SOX6: variants seen among roughly 807,000 people sequenced by gnomAD.
SOX6 encodes the protein transcription factor SOX-6.
Under a neutral mutation model 97.8 loss-of-function variants are expected in SOX6, and 11 were observed. The ratio of observed to expected loss-of-function variants is 0.11; its 90% CI spans 0.07 to 0.19. SOX6 has a LOEUF of 0.19. Among genes scored for constraint, SOX6 ranks in the 10% least tolerant of loss-of-function variants. The pLI, the probability that SOX6 is intolerant of heterozygous loss-of-function variation, is 1.00. For missense variants in SOX6, 810 were observed against 1,039.5 expected (o/e 0.78, Z 3.04); for synonymous variants, 360 against 371.4 (o/e 0.97, Z 0.35).
rs145239922 is a variant in SOX6, at chr11:16,115,527, A to C, written c.778-3604T>G. Among the ~76,000 whole-genome samples the C allele has an allele frequency of 2.7e-3, 418 of 152,298 alleles. 1 individual carries two copies. The highest frequency in any genetic ancestry group is 9.4e-3 in the African/African-American group (391 of 41,564). ...GGTCTGACAGTGTACATTTCTAAAAAGTTCCCAGGTGAAGCTGGGGCTGCT... is the reference window on the plus strand; with the variant it reads ...GGTCTGACAGTGTACATTTCTAAAACGTTCCCAGGTGAAGCTGGGGCTGCT... On this transcript the variant is annotated intron_variant, in intron 6 of 15. Transcript: ENST00000683767.
intron 1 of SOX6, chr11:16,402,953 T>G (rs1256594519): frequency 1.1e-6 from 1 of 941,584 alleles, no homozygotes; most frequent in African/African-American, 1.7e-5. Flanking sequence ...TACACCAAGG[T>G]GGGGGAGAAA....
intron 1 of SOX6, among the ~76,000 whole-genome samples, chr11:16,442,222 G>T (rs1159920389): frequency 6.6e-6 from 1 of 152,162 alleles, no homozygotes; most frequent in East Asian, 1.9e-4. Context: ...AGCACATCAT[G>T]CTCTCTATAA....
chr11:16,626,376 A>T (rs2133992474), intron 3 of SOX6, among the ~76,000 whole-genome samples: 1 of 152,266 alleles, frequency 6.6e-6, no homozygotes, highest in South Asian at 2.1e-4. Flanking sequence ...ATAAATGTGG[A>T]TCTATTTCTG....
At chr11:16,514,891 G>A (rs900962717) in intron 4 of SOX6, among the ~76,000 whole-genome samples, 1 of 151,388 alleles carries the variant, frequency 6.6e-6, no homozygotes, top group East Asian at 1.9e-4. Flanking sequence ...ATTTTTTATG[G>A]CTGCATAGTA....
At chr11:16,117,263 G>T (rs1849372486) in intron 6 of SOX6, among the ~76,000 whole-genome samples, 1 of 150,958 alleles carries the variant, frequency 6.6e-6, no homozygotes, top group Admixed American at 6.6e-5. Flanking sequence ...TGAGGCAGGA[G>T]AATCACTTGA....
intron 3 of SOX6, among the ~76,000 whole-genome samples, chr11:16,633,409 A>G (rs2133997427): frequency 6.6e-6 from 1 of 152,338 alleles, no homozygotes; most frequent in South Asian, 2.1e-4. Context: ...CACTTCCAGT[A>G]TGGGGAAGTA....
intron 3 of SOX6, among the ~76,000 whole-genome samples, chr11:16,706,212 G>A (rs973293903): frequency 5.3e-5 from 8 of 151,294 alleles, no homozygotes; most frequent in Admixed American, 5.3e-4. Flanking sequence ...GGCCGAGGCT[G>A]GAGGATCACT....
chr11:16,418,494 A>C (rs1221827001), intron 1 of SOX6, among the ~76,000 whole-genome samples: 1 of 152,204 alleles, frequency 6.6e-6, no homozygotes, highest in Non-Finnish European at 1.5e-5. Context: ...GGCAGAATAT[A>C]ACAATTAGCC....
At position 16,685,140 on chromosome 11, in the gene SOX6, A is replaced by G. The variant is rs541926757; in HGVS notation, n.429+29690T>C. Among the ~76,000 whole-genome samples the G allele has an allele frequency of 1.2e-3, 178 of 152,304 alleles. 1 individual carries two copies. The highest frequency in any genetic ancestry group is 2.2e-3 in the Non-Finnish European group (153 of 68,026). On this transcript the variant is annotated intron_variant and non_coding_transcript_variant, in intron 3 of 5. Transcript: ENST00000524520. ...ATTCAAAATGGGATTTGGTGGTGACATATATTCAAACTATATCATTCCATT... is the reference window on the plus strand; with the variant it reads ...ATTCAAAATGGGATTTGGTGGTGACGTATATTCAAACTATATCATTCCATT...
At chr11:16,242,940 TC>T (rs746288511) in intron 3 of SOX6, among the ~76,000 whole-genome samples, 5 of 151,892 alleles carry the variant, frequency 3.3e-5, no homozygotes, top group Non-Finnish European at 7.4e-5. Context: ...CTTCTTTTTG[TC>T]CAAATGAGTA....
chr11:16,139,385 G>A (rs1441382852), intron 6 of SOX6, among the ~76,000 whole-genome samples: 1 of 151,904 alleles, frequency 6.6e-6, no homozygotes, highest in Non-Finnish European at 1.5e-5. Context: ...TTTATTAGTT[G>A]GCACATTAAG....
chr11:16,339,882 T>C (rs1289889134), intron 2 of SOX6, among the ~76,000 whole-genome samples: 1 of 152,118 alleles, frequency 6.6e-6, no homozygotes, highest in Non-Finnish European at 1.5e-5. Context: ...AAAAACAGAC[T>C]TGCTTTATTA....
At position 16,132,505 on chromosome 11, in the gene SOX6, A is replaced by AAAGAAAGCAAGCAAGCAAGCAAGCAAGC. The variant is rs1451899878; in HGVS notation, c.778-20583_778-20582insGCTTGCTTGCTTGCTTGCTTGCTTTCTT. 5.8e-5 allele frequency among the ~76,000 whole-genome samples: 5 copies of AAAGAAAGCAAGCAAGCAAGCAAGCAAGC among 86,214 alleles called. 1 individual carries two copies. Among genetic ancestry groups the AAAGAAAGCAAGCAAGCAAGCAAGCAAGC allele is most frequent in the East Asian group, 6.8e-4 (2 of 2,922 alleles). 56.6% of individuals were successfully genotyped at this position (86,214 alleles called of 152,430 possible). ...GAAAGAAAGAAAGAAAGAAAGAAAG[A>AAAGAAAGCAAGCAAGCAAGCAAGCAAGC]AAGCTTATCTTTGTATCTAGGAAGA... On this transcript the variant is annotated intron_variant, in intron 6 of 15. Transcript: ENST00000683767.
intron 4 of SOX6, among the ~76,000 whole-genome samples, chr11:16,504,772 C>T (rs770136377): frequency 6.6e-6 from 1 of 152,094 alleles, no homozygotes; most frequent in Non-Finnish European, 1.5e-5. Flanking sequence ...TGTCCCCATG[C>T]TGTTCTTGTA....
At chr11:16,484,313 C>A in intron 4 of SOX6, 3 of 1,027,558 alleles carry the variant, frequency 2.9e-6, no homozygotes, top group Non-Finnish European at 4.6e-6. Context: ...GGAAAATTCC[C>A]TCCCAGGCTT....
Position 16,151,261 on chromosome 11 carries a change from T to A in SOX6, c.777+32625A>T, listed in dbSNP as rs1018097141. ...CAAGTATTAGCATTACGGGTGTAAATCAGGATGAAAATTTGCCTCTCAGAG... is the reference window on the plus strand; with the variant it reads ...CAAGTATTAGCATTACGGGTGTAAAACAGGATGAAAATTTGCCTCTCAGAG... On this transcript the variant is annotated intron_variant, in intron 6 of 15. Transcript: ENST00000683767. 3.3e-5 allele frequency among the ~76,000 whole-genome samples: 5 copies of A among 152,252 alleles called. No homozygotes were observed. The East Asian group carries it at 9.7e-4, about 29-fold the overall frequency.
chr11:16,371,214 C>A (rs952696183), intron 1 of SOX6, among the ~76,000 whole-genome samples: 2 of 152,036 alleles, frequency 1.3e-5, no homozygotes. Flanking sequence ...ATACCAAGCA[C>A]ACTTCTACCT....
intron 3 of SOX6, among the ~76,000 whole-genome samples, chr11:16,623,028 G>A (rs1281356068): frequency 1.3e-5 from 2 of 151,820 alleles, no homozygotes; most frequent in African/African-American, 4.8e-5. Flanking sequence ...GTGATGTTGA[G>A]CATTTTTTTT....
At chr11:16,393,379 T>C (rs753274476) in intron 1 of SOX6, among the ~76,000 whole-genome samples, 1 of 149,408 alleles carries the variant, frequency 6.7e-6, no homozygotes, top group Non-Finnish European at 1.5e-5. Flanking sequence ...TGGGTAATCA[T>C]TAAAAATACT....
Sources: allele counts gnomAD v4.1 joint callset (sites outside exome capture counted in the v4.1 genomes callset), GRCh38; gene constraint gnomAD v4.1.1; transcripts MANE v1.5; gene names NCBI Gene and HGNC (gene_info 2026-07-23, HGNC 2026-07-21).